The following CDKAL1 variants were observed in gnomAD, a reference collection of about 807,000 sequenced individuals.
CDKAL1 encodes CDKAL1 threonylcarbamoyladenosine tRNA methylthiotransferase, also known as threonylcarbamoyladenosine tRNA methylthiotransferase.
A neutral mutation model predicts 68.2 loss-of-function variants in CDKAL1; 32 were observed. The observed-to-expected ratio is 0.47, with a 90% CI of 0.35 to 0.63. CDKAL1 has a LOEUF of 0.63. Among genes scored for constraint, CDKAL1 ranks in the 30% least tolerant of loss-of-function variants. The pLI is 0.00. For synonymous variants in CDKAL1, 234 were observed against 244.3 expected, an observed-to-expected ratio of 0.96 and a Z score of 0.39; for missense variants, 606 against 696.7, an observed-to-expected ratio of 0.87 and a Z score of 1.47.
chr6:20,933,834 G>A (rs1029847055), intron 9 of CDKAL1, among the ~76,000 whole-genome samples: 2 of 151,934 alleles, frequency 1.3e-5, no homozygotes, highest in African/African-American at 4.8e-5. Flanking sequence ...GTAATTTAAG[G>A]ACGTTTTATA....
chr6:20,600,435 T>C (rs1766031447), intron 4 of CDKAL1, among the ~76,000 whole-genome samples: 1 of 152,052 alleles, frequency 6.6e-6, no homozygotes. Flanking sequence ...AAACCTATTG[T>C]AAATATATTG....
At chr6:20,628,893 A>T (rs562921357) in intron 4 of CDKAL1, among the ~76,000 whole-genome samples, 1 of 152,036 alleles carries the variant, frequency 6.6e-6, no homozygotes, top group Non-Finnish European at 1.5e-5. Flanking sequence ...GTCATTTGAT[A>T]GTGAGCTGTT....
intron 5 of CDKAL1, among the ~76,000 whole-genome samples, chr6:20,716,302 A>T (rs1191938878): frequency 4.6e-5 from 7 of 152,222 alleles, no homozygotes; most frequent in African/African-American, 1.4e-4. Flanking sequence ...TTTATATAAT[A>T]TGGTCAGGGA....
intron 9 of CDKAL1, among the ~76,000 whole-genome samples, chr6:20,856,448 A>C (rs1278817315): frequency 2.0e-5 from 3 of 152,204 alleles, no homozygotes; most frequent in Non-Finnish European, 4.4e-5. Context: ...GTCTTATGAC[A>C]TGGGCTTGAT....
At chr6:20,992,530 C>T (rs985458480) in intron 10 of CDKAL1, among the ~76,000 whole-genome samples, 1 of 152,136 alleles carries the variant, frequency 6.6e-6, no homozygotes, top group Non-Finnish European at 1.5e-5. Context: ...TAATTCAGAA[C>T]ATCTGAAATA....
chr6:20,655,885 A>G (rs1769004448), intron 5 of CDKAL1, among the ~76,000 whole-genome samples: 2 of 152,198 alleles, frequency 1.3e-5, no homozygotes, highest in South Asian at 2.1e-4. Context: ...AATGTGCTGT[A>G]TTTGAAGTTA....
intron 12 of CDKAL1, among the ~76,000 whole-genome samples, chr6:21,072,686 T>C (rs1337227790): frequency 6.6e-6 from 1 of 151,206 alleles, no homozygotes; most frequent in Non-Finnish European, 1.5e-5. Context: ...CTTTTTTTTT[T>C]TTTTTGTCTT....
intron 5 of CDKAL1, among the ~76,000 whole-genome samples, chr6:20,677,975 A>T (rs1277812100): frequency 1.3e-5 from 2 of 151,728 alleles, no homozygotes; most frequent in African/African-American, 4.8e-5. Flanking sequence ...GAGCTTCCTG[A>T]TGTCCTTTAT....
intron 5 of CDKAL1, among the ~76,000 whole-genome samples, chr6:20,713,669 G>T (rs1389984053): frequency 6.6e-6 from 1 of 152,102 alleles, no homozygotes; most frequent in Non-Finnish European, 1.5e-5. Context: ...AGATTTTTAT[G>T]ATCGATTTTG....
At chr6:21,224,290 A>AAAAT (rs1261808567) in intron 15 of CDKAL1, among the ~76,000 whole-genome samples, 1 of 152,200 alleles carries the variant, frequency 6.6e-6, no homozygotes, top group African/African-American at 2.4e-5. Context: ...GGTCCTGATA[A>AAAAT]AAATAACCCT....
intron 9 of CDKAL1, among the ~76,000 whole-genome samples, chr6:20,934,122 A>G (rs941267485): frequency 6.6e-6 from 1 of 152,158 alleles, no homozygotes; most frequent in Non-Finnish European, 1.5e-5. Context: ...AGAGTCTCAG[A>G]TTGAGAGAGC....
At chr6:20,725,783 T>TAAAAAAAAAAA (rs67587689) in intron 5 of CDKAL1, among the ~76,000 whole-genome samples, 1 of 99,084 alleles carries the variant, frequency 1.0e-5, no homozygotes, top group African/African-American at 3.9e-5. Context: ...AAACTCCGTC[T>TAAAAAAAAAAA]AAAAAAAAAA....
In CDKAL1 at chr6:21,231,332, A is replaced by C. The variant is rs761432634; in HGVS notation, c.*293A>C. On this transcript the variant is annotated 3_prime_UTR_variant, in exon 16 of 16. Transcript: ENST00000274695. Reference sequence around the variant, plus strand: ...GGTTGCATTTTTTTCTGTTTGTTTCAATCTCTAATCTTTAAGTCAGAACCT... The same window carrying C: ...GGTTGCATTTTTTTCTGTTTGTTTCCATCTCTAATCTTTAAGTCAGAACCT... 12 of 248,966 alleles carry C rather than the reference A, an allele frequency of 4.8e-5. No homozygotes were observed. The highest frequency in any genetic ancestry group is 8.3e-5 in the Non-Finnish European group (11 of 132,362). The allele number at this position is 248,966 out of a possible 1,614,324, so 15.4% of individuals were successfully genotyped here.
At chr6:20,942,314 A>G (rs1764007673) in intron 9 of CDKAL1, among the ~76,000 whole-genome samples, 1 of 151,272 alleles carries the variant, frequency 6.6e-6, no homozygotes, top group African/African-American at 2.4e-5. Context: ...TTTTTGCATC[A>G]AGTGTAAACC....
chr6:21,100,342 T>G (rs1285519232), intron 12 of CDKAL1, among the ~76,000 whole-genome samples: 1 of 152,232 alleles, frequency 6.6e-6, no homozygotes, highest in African/African-American at 2.4e-5. Flanking sequence ...CTTAGAGAAG[T>G]CTGCTGTTTT....
chr6:20,977,587 T>G (rs1358442239), intron 10 of CDKAL1, among the ~76,000 whole-genome samples: 2 of 152,156 alleles, frequency 1.3e-5, no homozygotes, highest in East Asian at 3.8e-4. Context: ...AAATAATTTA[T>G]ATAGGCTGGG....
chr6:21,224,375 A>G (rs1039413682), intron 15 of CDKAL1, among the ~76,000 whole-genome samples: 1 of 152,150 alleles, frequency 6.6e-6, no homozygotes, highest in Admixed American at 6.5e-5. Flanking sequence ...AAAAATGCCA[A>G]AATTAGCCAG....
In CDKAL1 at chr6:21,230,777, C is replaced by A. The variant is rs533686223; in HGVS notation, c.1549-71C>A. On this transcript the variant is annotated intron_variant, in intron 15 of 15. Coordinates refer to ENST00000274695, the MANE Select transcript of CDKAL1 (RefSeq NM_017774.3). Reference sequence around the variant, plus strand: ...AGGCGGCACCTTCTGGAACCCATTGCTTGATTGATATCACAACAGGGCTTT... The same window carrying A: ...AGGCGGCACCTTCTGGAACCCATTGATTGATTGATATCACAACAGGGCTTT... The A allele has an allele frequency of 8.7e-5, 107 of 1,232,236 alleles. 1 individual carries two copies. Among genetic ancestry groups the A allele is most frequent in the Non-Finnish European group, 1.1e-4 (104 of 909,890 alleles). The allele number at this position is 1,232,236 out of a possible 1,614,324, so 76.3% of individuals were successfully genotyped here.
At chr6:20,770,597 T>A (rs955806470) in intron 7 of CDKAL1, among the ~76,000 whole-genome samples, 1 of 152,214 alleles carries the variant, frequency 6.6e-6, no homozygotes, top group Non-Finnish European at 1.5e-5. Context: ...TTTAAGACGA[T>A]GTTTGATTAG....
Sources: gnomAD v4.1 joint callset for allele counts (sites outside exome capture counted in the v4.1 genomes callset) on GRCh38, gnomAD v4.1.1 for gene constraint, MANE v1.5 for transcripts, NCBI Gene and HGNC (gene_info 2026-07-23, HGNC 2026-07-21) for gene names.